The following HTR1F variants were observed in gnomAD, a reference collection of about 807,000 sequenced individuals.
The protein encoded by HTR1F is 5-hydroxytryptamine (serotonin) receptor 1F, G protein-coupled.
Under a neutral mutation model 24.0 loss-of-function variants are expected in HTR1F, and 17 were observed. The observed-to-expected ratio is 0.71, with a 90% confidence interval of 0.48 to 1.06. HTR1F has a LOEUF of 1.06. Among genes scored for constraint, HTR1F ranks in the 50% least tolerant of loss-of-function variants. HTR1F has a pLI of 0.00. For missense variants in HTR1F, 391 were observed against 427.8 expected (o/e 0.91, Z 0.76); for synonymous variants, 186 against 156.8 (o/e 1.19, Z -1.39).
chr3:87,896,954 T>C (rs1706211129), intron 2 of HTR1F, among the ~76,000 whole-genome samples: 1 of 152,128 alleles, frequency 6.6e-6, no homozygotes, highest in South Asian at 2.1e-4. Flanking sequence ...TGTACGCTGT[T>C]GGTGGGAATG....
At chr3:87,821,331 A>C (rs1380666741) in intron 1 of HTR1F, among the ~76,000 whole-genome samples, 1 of 152,160 alleles carries the variant, frequency 6.6e-6, no homozygotes, top group Non-Finnish European at 1.5e-5. Flanking sequence ...TATCTACTCT[A>C]TGAAATAGAA....
chr3:87,907,951 G>C (rs993153083), intron 2 of HTR1F, among the ~76,000 whole-genome samples: 2 of 152,070 alleles, frequency 1.3e-5, no homozygotes, highest in East Asian at 3.9e-4. Context: ...CAATTTGAAA[G>C]TATGTGTTGA....
intron 2 of HTR1F, among the ~76,000 whole-genome samples, chr3:87,881,313 G>C (rs1222428588): frequency 6.6e-6 from 1 of 152,210 alleles, no homozygotes; most frequent in African/African-American, 2.4e-5. Flanking sequence ...CACACCAACA[G>C]AGCCTTGCTC....
chr3:87,963,805 C>T (rs1322750512), intron 2 of HTR1F, among the ~76,000 whole-genome samples: 1 of 152,088 alleles, frequency 6.6e-6, no homozygotes, highest in Non-Finnish European at 1.5e-5. Flanking sequence ...TTTATCCCAA[C>T]CTATCTAGCA....
At chr3:87,834,929 C>A (rs936068902) in intron 2 of HTR1F, among the ~76,000 whole-genome samples, 1 of 152,038 alleles carries the variant, frequency 6.6e-6, no homozygotes, top group African/African-American at 2.4e-5. Context: ...ATATGGCCTG[C>A]AAAGTTGAAA....
chr3:87,865,749 C>T (rs991001548), intron 2 of HTR1F, among the ~76,000 whole-genome samples: 9 of 151,964 alleles, frequency 5.9e-5, no homozygotes, highest in African/African-American at 2.2e-4. Context: ...TTTATCTGTT[C>T]TACTCTTGGT....
intron 2 of HTR1F, among the ~76,000 whole-genome samples, chr3:87,947,169 AG>A (rs1436622931): frequency 6.6e-6 from 1 of 152,244 alleles, no homozygotes; most frequent in Non-Finnish European, 1.5e-5. Flanking sequence ...TTGCCTTTAA[AG>A]TAATATTAAT....
intron 2 of HTR1F, among the ~76,000 whole-genome samples, chr3:87,826,053 T>C (rs1704455879): frequency 6.6e-6 from 1 of 152,220 alleles, no homozygotes; most frequent in South Asian, 2.1e-4. Context: ...CTGTAATGTA[T>C]TGAATGCTCA....
intron 2 of HTR1F, among the ~76,000 whole-genome samples, chr3:87,842,912 C>T (rs1256037762): frequency 6.6e-6 from 1 of 151,788 alleles, no homozygotes. Flanking sequence ...AACAGACACA[C>T]ATTCAACTAC....
intron 2 of HTR1F, among the ~76,000 whole-genome samples, chr3:87,990,081 C>A (rs1705784822): frequency 6.6e-6 from 1 of 152,112 alleles, no homozygotes; most frequent in Non-Finnish European, 1.5e-5. Context: ...CCTGCTAAAT[C>A]GTAAAGGTTT....
intron 2 of HTR1F, among the ~76,000 whole-genome samples, chr3:87,915,789 A>G (rs1041345688): frequency 5.3e-5 from 8 of 152,208 alleles, no homozygotes; most frequent in African/African-American, 1.2e-4. Context: ...TATTTGGGGA[A>G]CTAATCAAGG....
At chr3:87,866,140 A>G (rs1705421870) in intron 2 of HTR1F, among the ~76,000 whole-genome samples, 1 of 152,216 alleles carries the variant, frequency 6.6e-6, no homozygotes, top group Non-Finnish European at 1.5e-5. Flanking sequence ...TTGTAAAATA[A>G]TTTCCATAAA....
At chr3:87,967,593 G>GC (rs1559651673) in intron 2 of HTR1F, among the ~76,000 whole-genome samples, 1 of 151,866 alleles carries the variant, frequency 6.6e-6, no homozygotes, top group African/African-American at 2.4e-5. Context: ...TCATGGGGGG[G>GC]GGTGGGTAGG....
chr3:87,855,491 A>G (rs909923575), intron 2 of HTR1F, among the ~76,000 whole-genome samples: 1 of 151,926 alleles, frequency 6.6e-6, no homozygotes, highest in Non-Finnish European at 1.5e-5. Flanking sequence ...CTCCCCCAGC[A>G]AGTCTCAATG....
At chr3:87,819,946 T>G (rs1704323141) in intron 1 of HTR1F, among the ~76,000 whole-genome samples, 3 of 152,090 alleles carry the variant, frequency 2.0e-5, no homozygotes, top group Non-Finnish European at 4.4e-5. Flanking sequence ...TGGGCCAGTT[T>G]TCAAGGTTAT....
At position 87,990,686 on chromosome 3, in the gene HTR1F, T is replaced by G. The variant is rs2107526687; in HGVS notation, c.-42-22T>G. On this transcript the variant is annotated intron_variant, in intron 2 of 2. Coordinates refer to ENST00000319595, the MANE Select transcript of HTR1F (RefSeq NM_001322209.2). ...GTTCTTGAAGCCTTCTCTGAACTGT[T>G]TTTTCTCTTCCCTTGTTACAGGTAT... is the stretch of plus-strand genomic sequence containing the variant. The G allele has an allele frequency of 2.3e-6, 3 of 1,296,158 alleles. No homozygotes were observed. In the South Asian group the frequency reaches 4.1e-5, roughly 18 times the overall value. The allele number at this position is 1,296,158 out of a possible 1,614,324, so 80.3% of individuals were successfully genotyped here.
intron 2 of HTR1F, among the ~76,000 whole-genome samples, chr3:87,924,452 G>A (rs1454359462): frequency 2.6e-5 from 4 of 151,978 alleles, no homozygotes; most frequent in Non-Finnish European, 5.9e-5. Flanking sequence ...TCAGTTGTAT[G>A]TCTGTTCTAC....
intron 2 of HTR1F, among the ~76,000 whole-genome samples, chr3:87,957,353 T>C (rs1215062930): frequency 1.3e-5 from 2 of 151,398 alleles, no homozygotes; most frequent in Admixed American, 6.6e-5. Flanking sequence ...AGGATTCAAC[T>C]GCTAACATTT....
chr3:87,910,512 C>G (rs1423494059), intron 2 of HTR1F, among the ~76,000 whole-genome samples: 1 of 151,966 alleles, frequency 6.6e-6, no homozygotes, highest in Non-Finnish European at 1.5e-5. Context: ...GAGTCCCGCA[C>G]AATAATACTG....
Sources: allele counts gnomAD v4.1 joint callset (sites outside exome capture counted in the v4.1 genomes callset), GRCh38; gene constraint gnomAD v4.1.1; transcripts MANE v1.5; gene names NCBI Gene and HGNC (gene_info 2026-07-23, HGNC 2026-07-21).